Variants in SIK3 observed in about 807,000 individuals in gnomAD.
The protein encoded by SIK3 is SIK family kinase 3.
Under a neutral mutation model 144.2 loss-of-function variants are expected in SIK3, and 28 were observed. The ratio of observed to expected loss-of-function variants is 0.19; its 90% CI spans 0.14 to 0.27. SIK3 has a LOEUF of 0.27. Ranked by LOEUF, SIK3 falls within the 10% of genes least tolerant of loss-of-function variation. SIK3 has a pLI of 1.00. For synonymous variants in SIK3, 686 were observed against 676.3 expected (o/e 1.01, Z -0.22); for missense variants, 1,319 against 1,776.0 (o/e 0.74, Z 4.62).
At chr11:116,974,655 A>G (rs1446871690) in intron 1 of SIK3, among the ~76,000 whole-genome samples, 3 of 152,188 alleles carry the variant, frequency 2.0e-5, no homozygotes, top group East Asian at 3.8e-4. Context: ...TTGGACTCCC[A>G]AAGTGCTGGG....
chr11:117,020,240 T>TAG, intron 1 of SIK3, among the ~76,000 whole-genome samples: 1 of 145,280 alleles, frequency 6.9e-6, no homozygotes, highest in African/African-American at 2.7e-5. Flanking sequence ...TATGTGCATA[T>TAG]ATATATACAC....
chr11:116,855,147 T>C (rs897080574), intron 21 of SIK3: 1 of 148,168 alleles, frequency 6.7e-6, no homozygotes, highest in Non-Finnish European at 1.5e-5. Flanking sequence ...ATCTAGACGA[T>C]GCATTTTAGA....
chr11:117,091,292 C>T (rs1284216765), intron 1 of SIK3, among the ~76,000 whole-genome samples: 1 of 145,378 alleles, frequency 6.9e-6, no homozygotes. Context: ...GCAACCTCTG[C>T]CTCCTGGGTT....
At position 116,875,870 on chromosome 11, in the gene SIK3, A is replaced by T; in HGVS notation, c.1235T>A (p.Ile412Asn). 6.2e-7 allele frequency: 1 copy of T among 1,602,558 alleles called. No homozygotes were observed. The highest frequency in any genetic ancestry group is 1.7e-4 in the Middle Eastern group (1 of 5,978). The stretch of plus-strand genomic sequence containing the variant: ...GTCACTGGAGTTATTGCCCACCTGG[A>T]TATTGACTGGTGCTTGAAAGGCCAG... The part of the protein sequence containing the change: ...RALAFQAPVN[I>N]QAEQAGTAMN... The change falls in exon 9 of 25, where the codon ATC becomes AAC. Residue 412 changes from isoleucine to asparagine, a missense_variant. Ile to Asn is a moderately radical substitution (Grantham distance 149). Transcript: ENST00000445177.
intron 6 of SIK3, among the ~76,000 whole-genome samples, chr11:116,885,209 C>T (rs754242364): frequency 2.0e-5 from 3 of 152,134 alleles, no homozygotes; most frequent in Non-Finnish European, 4.4e-5. Context: ...GGAACACTTT[C>T]GCAAAGAGAT....
At chr11:116,883,737 C>A (rs749649040) in intron 6 of SIK3, among the ~76,000 whole-genome samples, 12 of 152,116 alleles carry the variant, frequency 7.9e-5, no homozygotes, top group Non-Finnish European at 2.9e-5. Flanking sequence ...AGTTCAAGAC[C>A]AGCCTGGCCA....
chr11:116,920,563 TCTTA>T (rs1946907268), intron 4 of SIK3, among the ~76,000 whole-genome samples: 1 of 152,346 alleles, frequency 6.6e-6, no homozygotes, highest in Non-Finnish European at 1.5e-5. Flanking sequence ...CAAGGGGTTA[TCTTA>T]CTGACTGCTG....
intron 1 of SIK3, among the ~76,000 whole-genome samples, chr11:117,004,187 T>C (rs1950957292): frequency 6.6e-6 from 1 of 152,116 alleles, no homozygotes; most frequent in African/African-American, 2.4e-5. Context: ...ACAGGCAAGT[T>C]CAATGAATCT....
intron 12 of SIK3, 109 bp from the exon 13 acceptor site, chr11:116,873,745 G>T (rs1210469954): frequency 6.8e-6 from 10 of 1,466,182 alleles, no homozygotes; most frequent in Non-Finnish European, 9.2e-6. Context: ...TCATGACAGA[G>T]ACTAGAGGAC....
intron 14 of SIK3, 122 bp downstream of exon 14, chr11:116,870,209 C>A (rs1055842862): frequency 6.4e-7 from 1 of 1,552,122 alleles, no homozygotes; most frequent in Admixed American, 2.0e-5. Flanking sequence ...CTGGCTTGAG[C>A]AAAGAGACCA....
intron 1 of SIK3, among the ~76,000 whole-genome samples, chr11:117,084,611 T>G (rs1954928822): frequency 6.6e-6 from 1 of 152,176 alleles, no homozygotes; most frequent in African/African-American, 2.4e-5. Flanking sequence ...ATTAACTGTT[T>G]TTTTCCCAAA....
chr11:116,964,196 G>A (rs1254990419), intron 1 of SIK3, among the ~76,000 whole-genome samples: 1 of 151,952 alleles, frequency 6.6e-6, no homozygotes, highest in Non-Finnish European at 1.5e-5. Flanking sequence ...TTAATTTTCT[G>A]TAGCAACAGG....
At chr11:117,058,702 T>C (rs1280509756) in intron 1 of SIK3, among the ~76,000 whole-genome samples, 2 of 152,160 alleles carry the variant, frequency 1.3e-5, no homozygotes, top group African/African-American at 4.8e-5. Context: ...AGAACTGTCA[T>C]TCTGGTGAAG....
intron 1 of SIK3, among the ~76,000 whole-genome samples, chr11:117,072,641 G>A (rs1414059418): frequency 2.0e-5 from 3 of 152,040 alleles, no homozygotes; most frequent in Non-Finnish European, 4.4e-5. Context: ...AATGTGAATG[G>A]GTTATCACTA....
intron 1 of SIK3, among the ~76,000 whole-genome samples, chr11:117,027,797 C>A (rs1952082037): frequency 6.6e-6 from 1 of 152,074 alleles, no homozygotes; most frequent in South Asian, 2.1e-4. Context: ...AACTGACTCC[C>A]CCTGACCCAT....
At chr11:116,901,300 C>G (rs925077563) in intron 4 of SIK3, among the ~76,000 whole-genome samples, 1 of 152,180 alleles carries the variant, frequency 6.6e-6, no homozygotes, top group African/African-American at 2.4e-5. Flanking sequence ...GAAAGGGTCA[C>G]GAAATTAAAC....
At chr11:116,979,562 G>T (rs1950068766) in intron 1 of SIK3, among the ~76,000 whole-genome samples, 1 of 152,110 alleles carries the variant, frequency 6.6e-6, no homozygotes, top group Non-Finnish European at 1.5e-5. Flanking sequence ...ATTTTAAAGA[G>T]TAGGCTGGGT....
intron 1 of SIK3, among the ~76,000 whole-genome samples, chr11:117,009,041 C>A (rs1439286065): frequency 6.6e-6 from 1 of 151,878 alleles, no homozygotes; most frequent in Non-Finnish European, 1.5e-5. Context: ...TCAAGACCAG[C>A]CTGACCAACA....
At chr11:116,928,224 C>CA (rs1947390000) in intron 3 of SIK3, among the ~76,000 whole-genome samples, 1 of 152,210 alleles carries the variant, frequency 6.6e-6, no homozygotes, top group Admixed American at 6.5e-5. Context: ...CTAATAATAG[C>CA]AGTAGGTTTA....
Sources: allele counts gnomAD v4.1 joint callset (sites outside exome capture counted in the v4.1 genomes callset), GRCh38; gene constraint gnomAD v4.1.1; transcripts MANE v1.5; gene names NCBI Gene and HGNC (gene_info 2026-07-23, HGNC 2026-07-21).